The following PRKN variants were observed in gnomAD, a reference collection of about 807,000 sequenced individuals.
PRKN encodes the protein E3 ubiquitin-protein ligase parkin.
Under a neutral mutation model 59.5 loss-of-function variants are expected in PRKN, and 56 were observed. The observed-to-expected ratio is 0.94, with a 90% confidence interval of 0.76 to 1.18. The LOEUF (loss-of-function observed/expected upper bound fraction) is 1.18. Ranked by LOEUF, PRKN falls within the 50% of genes most tolerant of loss-of-function variation. PRKN has a pLI of 0.00. For missense variants in PRKN, 657 were observed against 596.4 expected (o/e 1.10, Z -1.06); for synonymous variants, 250 against 222.1 (o/e 1.13, Z -1.12).
At chr6:161,692,697 G>T (rs1256513433) in intron 7 of PRKN, among the ~76,000 whole-genome samples, 1 of 152,192 alleles carries the variant, frequency 6.6e-6, no homozygotes, top group East Asian at 1.9e-4. Flanking sequence ...TTGAGGTCGA[G>T]AATTTGAGAC....
At chr6:162,658,664 AAAAAAAAAAG>A (rs1284157973) in intron 1 of PRKN, among the ~76,000 whole-genome samples, 6 of 112,750 alleles carry the variant, frequency 5.3e-5, no homozygotes, top group African/African-American at 2.0e-4. Flanking sequence ...CTGTCAAAAA[AAAAAAAAAAG>A]AAAAAAAAAA....
At position 161,658,968 on chromosome 6, in the gene PRKN, C is replaced by T. The variant is rs565448687; in HGVS notation, c.872-89552G>A. Among the ~76,000 whole-genome samples the T allele has an allele frequency of 5.9e-5, 9 of 152,304 alleles. 1 individual carries two copies. Among genetic ancestry groups the T allele is most frequent in the Admixed American group, 2.0e-4 (3 of 15,298 alleles). ...AGGGCATAGAATAAGAAACTGAGGACGAGAGGAGGCCCAGTGCTGAGTCCC... is the reference window on the plus strand; with the variant it reads ...AGGGCATAGAATAAGAAACTGAGGATGAGAGGAGGCCCAGTGCTGAGTCCC... On this transcript the variant is annotated intron_variant, in intron 7 of 11. Coordinates refer to ENST00000366898, the MANE Select transcript of PRKN (RefSeq NM_004562.3).
intron 1 of PRKN, among the ~76,000 whole-genome samples, chr6:162,545,172 C>CA (rs1326135018): frequency 6.6e-5 from 10 of 151,828 alleles, no homozygotes; most frequent in Non-Finnish European, 1.3e-4. Context: ...CCTGTAATCC[C>CA]AGCTACTTGG....
chr6:162,075,570 G>T (rs1175951994), intron 4 of PRKN, among the ~76,000 whole-genome samples: 2 of 151,938 alleles, frequency 1.3e-5, no homozygotes, highest in African/African-American at 4.8e-5. Flanking sequence ...ATAATGTACT[G>T]CCCGTGAATA....
rs928403451 is a variant in PRKN at position 162,713,266 on chromosome 6, G to A, written c.7+14396C>T. On this transcript the variant is annotated intron_variant, in intron 1 of 11. Transcript: ENST00000366898. ...TCCCAGCACTTTGGGAGACCGAGGC[G>A]GGCGGATCACGAGGTCAGAAGATCA... 5.9e-5 allele frequency among the ~76,000 whole-genome samples: 9 copies of A among 152,188 alleles called. No individual in the cohort carries two copies. The East Asian group carries it at 1.4e-3, about 23-fold the overall frequency.
intron 6 of PRKN, among the ~76,000 whole-genome samples, chr6:161,881,974 C>G (rs1794953460): frequency 6.6e-6 from 1 of 152,244 alleles, no homozygotes; most frequent in Middle Eastern, 3.4e-3. Context: ...GCCCATCCCC[C>G]CACCTGAGTT....
Position 162,284,215 on chromosome 6 carries a change from C to CTTTTTTTTTTTTT in PRKN, c.172-21463_172-21451dup, listed in dbSNP as rs35609309. 2.8e-4 allele frequency among the ~76,000 whole-genome samples: 21 copies of CTTTTTTTTTTTTT among 75,666 alleles called. 1 individual carries two copies. Among genetic ancestry groups the CTTTTTTTTTTTTT allele is most frequent in the East Asian group, 2.1e-3 (3 of 1,434 alleles). 49.6% of individuals were successfully genotyped at this position (75,666 alleles called of 152,430 possible). A position where few individuals can be genotyped will look rare whatever the true frequency, so the allele number is the denominator to read the frequency against. ...TATTTATGTATTGTGTTATTTCTTTCTTTTTTTTTTTTTTTTTTTTTTTTT... is the reference window on the plus strand; with the variant it reads ...TATTTATGTATTGTGTTATTTCTTTCTTTTTTTTTTTTTTTTTTTTTTTTTTTTTTTTTTTTTT... On this transcript the variant is annotated intron_variant, in intron 2 of 11. Coordinates refer to ENST00000366898, the MANE Select transcript of PRKN (RefSeq NM_004562.3).
intron 2 of PRKN, among the ~76,000 whole-genome samples, chr6:162,365,396 C>T (rs555023574): frequency 6.6e-6 from 1 of 151,990 alleles, no homozygotes; most frequent in South Asian, 2.1e-4. Context: ...TTAACCATTC[C>T]CCTACTGATG....
intron 1 of PRKN, among the ~76,000 whole-genome samples, chr6:162,582,392 G>A (rs1413197048): frequency 6.6e-6 from 1 of 152,210 alleles, no homozygotes; most frequent in South Asian, 2.1e-4. Flanking sequence ...GTATCATCCA[G>A]TTATTTCAGT....
At chr6:162,209,267 C>T (rs1785089769) in intron 3 of PRKN, among the ~76,000 whole-genome samples, 2 of 152,058 alleles carry the variant, frequency 1.3e-5, no homozygotes, top group South Asian at 2.1e-4. Flanking sequence ...CAAGCAACCC[C>T]ATCAAAAAGT....
rs185469340 is a variant in PRKN, at chr6:161,475,949, G to A, written c.1083+72905C>T. 9.8e-3 allele frequency among the ~76,000 whole-genome samples: 1,489 copies of A among 152,172 alleles called. 19 individuals are homozygous for A. Among genetic ancestry groups the A allele is most frequent in the Middle Eastern group, 0.024 (7 of 294 alleles). On this transcript the variant is annotated intron_variant, in intron 9 of 11. Coordinates refer to ENST00000366898, the MANE Select transcript of PRKN (RefSeq NM_004562.3). The surrounding 1 kb of genome is among the most constrained non-coding windows in gnomAD (Gnocchi z 5.3). ...CGCCTGTAATCCCAGCATTTTGGGAGGCCAAGGTGGGCGGATCACGAGGTC... is the reference window on the plus strand; with the variant it reads ...CGCCTGTAATCCCAGCATTTTGGGAAGCCAAGGTGGGCGGATCACGAGGTC...
rs1779960115 is a variant in PRKN at position 161,550,424 on chromosome 6, C to T, written c.934-1421G>A. ...ATGTTCGGAATACCCTCTGGAGGGC[C>T]AGGGTGTAGGCAGGAAGCAGAGAAG... On this transcript the variant is annotated intron_variant, in intron 8 of 11. Transcript: ENST00000366898. The surrounding 1 kb of genome is among the most constrained non-coding windows in gnomAD (Gnocchi z 4.0). Among the ~76,000 whole-genome samples, 1 of 152,154 alleles carries T rather than the reference C, an allele frequency of 6.6e-6. No individual in the cohort carries two copies. Among genetic ancestry groups the T allele is most frequent in the South Asian group, 2.1e-4 (1 of 4,830 alleles).
chr6:162,467,662 T>C (rs563820347), intron 1 of PRKN, among the ~76,000 whole-genome samples: 2 of 152,228 alleles, frequency 1.3e-5, no homozygotes, highest in African/African-American at 4.8e-5. Flanking sequence ...GAGGAATCCC[T>C]TGACACAAGA....
intron 5 of PRKN, among the ~76,000 whole-genome samples, chr6:162,017,980 A>G (rs1240464886): frequency 6.6e-6 from 1 of 152,178 alleles, no homozygotes; most frequent in Non-Finnish European, 1.5e-5. Context: ...CCCTGCGGGA[A>G]AGATCTGGAA....
intron 2 of PRKN, among the ~76,000 whole-genome samples, chr6:162,349,670 T>G: frequency 6.6e-6 from 1 of 152,278 alleles, no homozygotes; most frequent in Non-Finnish European, 1.5e-5. Flanking sequence ...TGAGAGGTGA[T>G]GCAAAACGGG....
intron 2 of PRKN, among the ~76,000 whole-genome samples, chr6:162,308,283 A>C (rs1208690373): frequency 6.6e-6 from 1 of 152,222 alleles, no homozygotes; most frequent in Non-Finnish European, 1.5e-5. Context: ...TCTGCTAAGA[A>C]AGAAAAGTCA....
chr6:162,369,148 T>A (rs1285291914), intron 2 of PRKN, among the ~76,000 whole-genome samples: 2 of 152,218 alleles, frequency 1.3e-5, no homozygotes, highest in African/African-American at 4.8e-5. Flanking sequence ...ATACTTCAGG[T>A]TAGCTTCAAA....
At chr6:161,374,188 G>A (rs1205471395) in intron 10 of PRKN, among the ~76,000 whole-genome samples, 1 of 152,060 alleles carries the variant, frequency 6.6e-6, no homozygotes, top group Non-Finnish European at 1.5e-5. Context: ...TGGCGAGTGT[G>A]TGCAGTGTTA....
intron 6 of PRKN, among the ~76,000 whole-genome samples, chr6:161,857,753 T>A (rs1793715821): frequency 6.6e-6 from 1 of 152,218 alleles, no homozygotes. Context: ...TGATTTCTCC[T>A]CTCTGGTTTA....
Sources: gnomAD v4.1 joint callset for allele counts (sites outside exome capture counted in the v4.1 genomes callset) on GRCh38, gnomAD v4.1.1 for gene constraint, Gnocchi (gnomAD v3.1) non-coding constraint, MANE v1.5 for transcripts, NCBI Gene and HGNC (gene_info 2026-07-23, HGNC 2026-07-21) for gene names.